TBC1D22A: variants seen among roughly 807,000 people sequenced by gnomAD.
The protein encoded by TBC1D22A is putative GTPase activator.
TBC1D22A carries 38 observed loss-of-function variants against 60.2 expected under a neutral mutation model. The ratio of observed to expected loss-of-function variants is 0.63; its 90% CI spans 0.49 to 0.83. TBC1D22A has a LOEUF of 0.83. Ranked by LOEUF, TBC1D22A falls within the 40% of genes least tolerant of loss-of-function variation. The probability of loss-of-function intolerance (pLI) is 0.00; values close to 1 mark genes in which losing one functional copy is unlikely to be tolerated. For synonymous variants in TBC1D22A, 302 were observed against 281.7 expected (o/e 1.07, Z -0.72); for missense variants, 628 against 701.0 (o/e 0.90, Z 1.18).
At chr22:46,952,232 T>G (rs2072949250) in intron 8 of TBC1D22A, among the ~76,000 whole-genome samples, 1 of 101,780 alleles carries the variant, frequency 9.8e-6, no homozygotes. Context: ...ACAGCAAGCC[T>G]TCCTGGCCTT....
At chr22:46,852,859 C>T (rs2087356687) in intron 4 of TBC1D22A, among the ~76,000 whole-genome samples, 2 of 147,170 alleles carry the variant, frequency 1.4e-5, no homozygotes, top group Admixed American at 1.3e-4. Flanking sequence ...CCCTGCCCGT[C>T]CTGGAGTTCC....
At chr22:47,138,221 G>C (rs2066945916) in intron 12 of TBC1D22A, among the ~76,000 whole-genome samples, 2 of 152,344 alleles carry the variant, frequency 1.3e-5, no homozygotes, top group South Asian at 4.1e-4. Flanking sequence ...GTTTATAAAA[G>C]CGACAGCATC....
chr22:47,137,058 A>G (rs939176450), intron 12 of TBC1D22A, among the ~76,000 whole-genome samples: 2 of 152,018 alleles, frequency 1.3e-5, no homozygotes, highest in African/African-American at 4.8e-5. Flanking sequence ...AATAAGATAA[A>G]AAGAAGAAAG....
intron 4 of TBC1D22A, among the ~76,000 whole-genome samples, chr22:46,829,643 A>G (rs941977306): frequency 1.3e-5 from 2 of 152,238 alleles, no homozygotes; most frequent in African/African-American, 4.8e-5. Context: ...ATAAGCATTT[A>G]CAGTGGCCTG....
At chr22:47,111,219 T>A (rs1203066795) in intron 11 of TBC1D22A, among the ~76,000 whole-genome samples, 2 of 152,224 alleles carry the variant, frequency 1.3e-5, no homozygotes, top group Non-Finnish European at 2.9e-5. Context: ...CCTTTTTGGC[T>A]ATTGTCTGCG....
chr22:47,058,344 TTA>T (rs1384516239), intron 11 of TBC1D22A, among the ~76,000 whole-genome samples: 14 of 152,102 alleles, frequency 9.2e-5, no homozygotes, highest in Non-Finnish European at 1.6e-4. Context: ...GCCCCCCAGC[TTA>T]TGATTCCACC....
At chr22:47,000,961 A>C (rs147034811) in intron 10 of TBC1D22A, among the ~76,000 whole-genome samples, 1 of 152,184 alleles carries the variant, frequency 6.6e-6, no homozygotes, top group Non-Finnish European at 1.5e-5. Context: ...TAAAGCCACC[A>C]GTGTTCTGGG....
chr22:47,101,246 G>A (rs1277128244), intron 11 of TBC1D22A, among the ~76,000 whole-genome samples: 2 of 152,224 alleles, frequency 1.3e-5, no homozygotes, highest in Non-Finnish European at 2.9e-5. Flanking sequence ...TGACTCGCTC[G>A]TTAAATGACA....
At chr22:46,819,287 G>C (rs971220079) in intron 4 of TBC1D22A, among the ~76,000 whole-genome samples, 1 of 152,170 alleles carries the variant, frequency 6.6e-6, no homozygotes, top group African/African-American at 2.4e-5. Context: ...GGAGTGGTGA[G>C]AGAGGGCATC....
At chr22:46,994,125 T>G (rs1024616992) in intron 9 of TBC1D22A, among the ~76,000 whole-genome samples, 2 of 152,246 alleles carry the variant, frequency 1.3e-5, no homozygotes, top group South Asian at 4.1e-4. Context: ...ATTCTTTTTT[T>G]TTAATTGTTT....
intron 8 of TBC1D22A, among the ~76,000 whole-genome samples, chr22:46,957,953 T>A (rs2073294441): frequency 6.6e-6 from 1 of 151,468 alleles, no homozygotes; most frequent in African/African-American, 2.4e-5. Flanking sequence ...AGGCATAGGA[T>A]AGCCCCCTGA....
At chr22:47,145,848 G>T (rs146556402) in intron 12 of TBC1D22A, among the ~76,000 whole-genome samples, 1 of 152,228 alleles carries the variant, frequency 6.6e-6, no homozygotes, top group African/African-American at 2.4e-5. Flanking sequence ...AGAGTCAGCG[G>T]AGTGGATTAT....
chr22:46,923,505 A>G (rs185785001), intron 8 of TBC1D22A, among the ~76,000 whole-genome samples: 34 of 152,326 alleles, frequency 2.2e-4, no homozygotes, highest in African/African-American at 5.1e-4. Flanking sequence ...CTAGGTTGCT[A>G]GGGTCGCAGT....
At chr22:47,158,184 A>T (rs1186102203) in intron 12 of TBC1D22A, among the ~76,000 whole-genome samples, 1 of 152,160 alleles carries the variant, frequency 6.6e-6, no homozygotes, top group Non-Finnish European at 1.5e-5. Context: ...GGGGTCCAGT[A>T]TGGCCTCGAC....
chr22:47,067,325 G>C (rs984303169), intron 11 of TBC1D22A, among the ~76,000 whole-genome samples: 1 of 152,202 alleles, frequency 6.6e-6, no homozygotes, highest in African/African-American at 2.4e-5. Flanking sequence ...AGGCAGAAGA[G>C]AACCATTGTA....
rs1273854917 is a variant in TBC1D22A, at chr22:47,002,764, C to A, written c.1201+5055C>A. ...GAGTGGGAAGAGCTGTTCCCTGGGG[C>A]CCCGGTTCTGGTGGGCTCCACCCTC... On this transcript the variant is annotated intron_variant, in intron 10 of 12. Transcript: ENST00000337137. 2.7e-4 allele frequency among the ~76,000 whole-genome samples: 41 copies of A among 152,146 alleles called. 1 individual carries two copies. Among genetic ancestry groups the A allele is most frequent in the Admixed American group, 2.7e-3 (41 of 15,282 alleles).
At chr22:47,116,354 G>C (rs2147741765) in intron 12 of TBC1D22A, 1 of 152,400 alleles carries the variant, frequency 6.6e-6, no homozygotes, top group South Asian at 2.1e-4. Flanking sequence ...ATTTTATGGT[G>C]AACAGAGTGT....
chr22:46,949,161 T>G (rs2072740536), intron 8 of TBC1D22A, among the ~76,000 whole-genome samples: 1 of 152,184 alleles, frequency 6.6e-6, no homozygotes, highest in South Asian at 2.1e-4. Flanking sequence ...TTTGCTTCTC[T>G]TCCATTTTTG....
intron 4 of TBC1D22A, among the ~76,000 whole-genome samples, chr22:46,816,144 C>T (rs1247528507): frequency 6.6e-6 from 1 of 152,196 alleles, no homozygotes; most frequent in Non-Finnish European, 1.5e-5. Context: ...GGACCTCCTG[C>T]TGCGGCCGGC....
Sources: gnomAD v4.1 joint callset for allele counts (sites outside exome capture counted in the v4.1 genomes callset) on GRCh38, gnomAD v4.1.1 for gene constraint, MANE v1.5 for transcripts, NCBI Gene and HGNC (gene_info 2026-07-23, HGNC 2026-07-21) for gene names.